ERV3-1: variants seen among roughly 807,000 people sequenced by gnomAD.
ERV3-1 encodes the protein endogenous retrovirus group 3 member 1 Env polyprotein.
A neutral mutation model predicts 24.6 loss-of-function variants in ERV3-1; 36 were observed. The ratio of observed to expected loss-of-function variants is 1.47; its 90% CI spans 1.12 to 1.94. The LOEUF (loss-of-function observed/expected upper bound fraction) is 1.94. Ranked by LOEUF, ERV3-1 falls within the 30% of genes most tolerant of loss-of-function variation. ERV3-1 has a pLI of 0.00. For missense variants in ERV3-1, 578 were observed against 330.9 expected, an observed-to-expected ratio of 1.75 and a Z score of -5.79; for synonymous variants, 211 against 122.6, an observed-to-expected ratio of 1.72 and a Z score of -4.76.
chr7:65,002,683 G>A (rs1786550521), intron 1 of ERV3-1, among the ~76,000 whole-genome samples: 1 of 152,174 alleles, frequency 6.6e-6, no homozygotes, highest in Non-Finnish European at 1.5e-5. Flanking sequence ...ACAGGCTCCT[G>A]AACTTTGAGC....
Position 64,992,112 on chromosome 7 carries a change from T to C in ERV3-1, c.915A>G (p.Pro305=), listed in dbSNP as rs760193469. 5.2e-6 allele frequency: 4 copies of C among 766,426 alleles called. No individual in the cohort carries two copies. Among genetic ancestry groups the C allele is most frequent in the Admixed American group, 1.7e-5 (1 of 59,030 alleles). The allele number at this position is 766,426 out of a possible 1,614,324, so 47.5% of individuals were successfully genotyped here. A position where few individuals can be genotyped will look rare whatever the true frequency, so the allele number is the denominator to read the frequency against. ...GGGGCATTAGTTCCCTTGCTTCCCA[T>C]GGCCATTGGTCTCCCATGTTCATTC... The part of the protein sequence containing the change: ...CGGMNMGDQW[P]WEARELMPQD... The change falls in exon 2 of 2, where the codon CCA becomes CCG. Residue 305 remains proline (P), a synonymous_variant. Coordinates refer to ENST00000394323, the MANE Select transcript of ERV3-1 (RefSeq NM_001007253.4).
At chr7:65,004,967 T>TACC in intron 1 of ERV3-1, 1 of 151,728 alleles carries the variant, frequency 6.6e-6, no homozygotes, top group Non-Finnish European at 1.5e-5. Context: ...TTTCCCTCAT[T>TACC]ACCACCATCT....
At position 64,992,075 on chromosome 7, in the gene ERV3-1, T is replaced by C. The variant is rs554290190; in HGVS notation, c.952A>G (p.Thr318Ala). 115 of 766,414 alleles carry C rather than the reference T, an allele frequency of 1.5e-4. No homozygotes were observed. Among genetic ancestry groups the C allele is most frequent in the Non-Finnish European group, 2.6e-4 (109 of 417,912 alleles). 47.5% of individuals were successfully genotyped at this position (766,414 alleles called of 1,614,324 possible). ...ARELMPQDNFTLTASSLEPAP... is the reference protein window; with the variant it reads ...ARELMPQDNFALTASSLEPAP... ...GGTTCGAGGGAAGAGGCGGTTAGTG[T>C]GAAATTATCTTGGGGCATTAGTTCC... The change falls in exon 2 of 2, where the codon ACA becomes GCA. Residue 318 changes from threonine (T) to alanine (A), a missense_variant. By Grantham distance (58) the Thr-to-Ala change is moderately conservative. Transcript: ENST00000394323.
rs1584061775 is a variant in ERV3-1 at position 64,993,319 on chromosome 7, G to A, written c.-293C>T. 6.1e-6 allele frequency: 2 copies of A among 327,738 alleles called. No individual in the cohort carries two copies. Among genetic ancestry groups the A allele is most frequent in the East Asian group, 1.1e-4 (2 of 17,530 alleles). 20.3% of individuals were successfully genotyped at this position (327,738 alleles called of 1,614,324 possible). A position where few individuals can be genotyped will look rare whatever the true frequency, so the allele number is the denominator to read the frequency against. ...CCTTGGTTCCATCGTAGGATCAGCT[G>A]GGTTGCATGGTCTAGGTCCTGTTGG... On this transcript the variant is annotated 5_prime_UTR_variant, in exon 2 of 2. Transcript: ENST00000394323.
chr7:64,991,215 T>A lies in ERV3-1; in HGVS notation c.1812A>T (p.Gly604=). Residue 604 remains glycine (G), a synonymous_variant, in exon 2 of 2, where the codon GGA becomes GGT. Transcript: ENST00000394323. ...LAHIPVQTWK[G] ...CTCTGAAAAGGGAATCTGGAGACTA[T>A]CCTTTCCAAGTCTGAACTGGGATGT... is the stretch of plus-strand genomic sequence containing the variant. The A allele has an allele frequency of 1.3e-6, 1 of 749,680 alleles. No homozygotes were observed. Among genetic ancestry groups the A allele is most frequent in the Non-Finnish European group, 2.4e-6 (1 of 409,128 alleles). 46.4% of individuals were successfully genotyped at this position (749,680 alleles called of 1,614,324 possible). A position where few individuals can be genotyped will look rare whatever the true frequency, so the allele number is the denominator to read the frequency against.
At chr7:64,995,531 T>G (rs1448072549) in intron 1 of ERV3-1, among the ~76,000 whole-genome samples, 1 of 152,172 alleles carries the variant, frequency 6.6e-6, no homozygotes, top group Admixed American at 6.5e-5. Context: ...TGGCTTCATA[T>G]AAGGGCCTGG....
chr7:64,995,450 T>A (rs1041955997), intron 1 of ERV3-1, among the ~76,000 whole-genome samples: 2 of 152,218 alleles, frequency 1.3e-5, no homozygotes, highest in Admixed American at 6.5e-5. Flanking sequence ...GAGTTAGGGC[T>A]TCTTTGATTT....
At position 64,991,133 on chromosome 7, in the gene ERV3-1, A is replaced by G; in HGVS notation, c.*79T>C. 2 of 612,390 alleles carry G rather than the reference A, an allele frequency of 3.3e-6. No homozygotes were observed. The highest frequency in any genetic ancestry group is 5.4e-5 in the East Asian group (2 of 37,250). 37.9% of individuals were successfully genotyped at this position (612,390 alleles called of 1,614,324 possible). On this transcript the variant is annotated 3_prime_UTR_variant, in exon 2 of 2. Coordinates refer to ENST00000394323, the MANE Select transcript of ERV3-1 (RefSeq NM_001007253.4). ...CAAGGGAGTATAAGGCAAACTCCCA[A>G]TATGGCTAGGACTATTTGTACTAAG... is the stretch of plus-strand genomic sequence containing the variant.
intron 1 of ERV3-1, among the ~76,000 whole-genome samples, chr7:64,997,630 GCA>G (rs1331525732): frequency 1.3e-5 from 2 of 152,142 alleles, no homozygotes; most frequent in East Asian, 3.9e-4. Flanking sequence ...TTGGCCCTGA[GCA>G]TATATGCCTG....
In ERV3-1 at chr7:64,999,037, C is replaced by T. The variant is rs903892733; in HGVS notation, c.-388-5623G>A. On this transcript the variant is annotated intron_variant, in intron 1 of 1. Transcript: ENST00000394323. ...TGCGAGCCCCTCTCATGTCCTGAGT[C>T]GGATTACTAGGTACACCCCAGGAGG... is the stretch of plus-strand genomic sequence containing the variant. 1.2e-4 allele frequency among the ~76,000 whole-genome samples: 18 copies of T among 152,158 alleles called. No homozygotes were observed. In the East Asian group the frequency reaches 3.1e-3, roughly 26 times the overall value.
At chr7:65,000,228 T>C (rs551320023) in intron 1 of ERV3-1, among the ~76,000 whole-genome samples, 1 of 152,052 alleles carries the variant, frequency 6.6e-6, no homozygotes, top group Non-Finnish European at 1.5e-5. Flanking sequence ...CACTTTCTTT[T>C]TTGTTTTTTT....
intron 1 of ERV3-1, among the ~76,000 whole-genome samples, chr7:64,997,317 TAGCTTTTGC>T (rs1347797467): frequency 3.3e-5 from 5 of 152,218 alleles, no homozygotes; most frequent in African/African-American, 1.2e-4. Context: ...TGAAACACTC[TAGCTTTTGC>T]AGCTTTCGCC....
At chr7:64,996,627 C>G (rs552746075) in intron 1 of ERV3-1, among the ~76,000 whole-genome samples, 16 of 152,272 alleles carry the variant, frequency 1.1e-4, no homozygotes, top group African/African-American at 3.9e-4. Context: ...TGGAGTAGGT[C>G]TCTTCCTAGT....
intron 1 of ERV3-1, among the ~76,000 whole-genome samples, chr7:64,995,184 A>T (rs6969872): frequency 5.3e-5 from 8 of 152,360 alleles, no homozygotes; most frequent in Non-Finnish European, 8.8e-5. Flanking sequence ...TTATAACCGC[A>T]TGTGGTACCT....
chr7:64,997,174 T>A (rs1786422291), intron 1 of ERV3-1, among the ~76,000 whole-genome samples: 1 of 152,236 alleles, frequency 6.6e-6, no homozygotes, highest in African/African-American at 2.4e-5. Flanking sequence ...CGATGCTAGT[T>A]TCCCTTCCTG....
chr7:64,991,516 C>A lies in ERV3-1; in HGVS notation c.1511G>T (p.Gly504Val), dbSNP rs1383987503. Residue 504 changes from glycine to valine, a missense_variant, in exon 2 of 2, where the codon GGA (glycine) becomes GTA (valine). By Grantham distance (109) the Gly-to-Val change is moderately radical (BLOSUM62 -3). Coordinates refer to ENST00000394323, the MANE Select transcript of ERV3-1 (RefSeq NM_001007253.4). ...AAGCATGTAAACTGGGGTGCGGTAT[C>A]CCCACATTCCATCTTCTGCCCAGGT... ...PATWAEDGMW[G>V]YRTPVYMLNR... is the part of the protein sequence containing the mutation. 7.1e-6 allele frequency: 5 copies of A among 703,998 alleles called. No homozygotes were observed. Among genetic ancestry groups the A allele is most frequent in the Admixed American group, 6.0e-5 (3 of 49,990 alleles). 43.6% of individuals were successfully genotyped at this position (703,998 alleles called of 1,614,324 possible).
At chr7:64,995,146 C>T (rs942700300) in intron 1 of ERV3-1, among the ~76,000 whole-genome samples, 45 of 152,192 alleles carry the variant, frequency 3.0e-4, no homozygotes, top group Admixed American at 2.9e-3. Context: ...GTTTGATAAC[C>T]AATGCTGCTC....
intron 1 of ERV3-1, among the ~76,000 whole-genome samples, chr7:65,003,061 T>A (rs1786558458): frequency 6.6e-6 from 1 of 152,214 alleles, no homozygotes; most frequent in African/African-American, 2.4e-5. Context: ...GTTAACTGCA[T>A]CTGTCTGTGG....
intron 1 of ERV3-1, among the ~76,000 whole-genome samples, chr7:64,995,762 T>C (rs1786394569): frequency 6.6e-6 from 1 of 152,202 alleles, no homozygotes; most frequent in African/African-American, 2.4e-5. Flanking sequence ...CTGCTTTCCA[T>C]AAGAGATGGA....
Sources: allele counts gnomAD v4.1 joint callset (sites outside exome capture counted in the v4.1 genomes callset), GRCh38; gene constraint gnomAD v4.1.1; transcripts MANE v1.5; gene names NCBI Gene and HGNC (gene_info 2026-07-23, HGNC 2026-07-21).